Variants in EXOC1 observed in about 807,000 individuals in gnomAD.
EXOC1 encodes the protein exocyst complex component 1, also known as SEC3-like 1.
In EXOC1, 67 loss-of-function variants were observed where a neutral mutation model predicts 107.7. That is an observed-to-expected ratio of 0.62 (90% CI 0.51 to 0.76). EXOC1 has a LOEUF of 0.76. Ranked by LOEUF, EXOC1 falls within the 30% of genes least tolerant of loss-of-function variation. The pLI, the probability that EXOC1 is intolerant of heterozygous loss-of-function variation, is 0.00. For missense variants in EXOC1, 833 were observed against 1,055.7 expected, an observed-to-expected ratio of 0.79 and a Z score of 2.92; for synonymous variants, 348 against 353.5, an observed-to-expected ratio of 0.98 and a Z score of 0.17.
intron 3 of EXOC1, among the ~76,000 whole-genome samples, chr4:55,860,890 CAT>C (rs1411482313): frequency 1.3e-5 from 2 of 148,260 alleles, no homozygotes; most frequent in Non-Finnish European, 3.0e-5. Flanking sequence ...CATGAGTAAA[CAT>C]AGAATCACCA....
intron 12 of EXOC1, 86 bp from the exon 13 acceptor site, chr4:55,891,229 G>A (rs1327629522): frequency 6.2e-6 from 5 of 807,456 alleles, no homozygotes; most frequent in Admixed American, 5.8e-5. Context: ...TCCATGGTCT[G>A]TGCAGAAAAG....
chr4:55,893,312 G>T (rs557629273), intron 14 of EXOC1, among the ~76,000 whole-genome samples: 2 of 152,092 alleles, frequency 1.3e-5, no homozygotes, highest in African/African-American at 2.4e-5. Flanking sequence ...TAGAGACAGG[G>T]TTTTACCATG....
intron 4 of EXOC1, among the ~76,000 whole-genome samples, chr4:55,866,033 A>G (rs1721927609): frequency 6.6e-6 from 1 of 152,190 alleles, no homozygotes; most frequent in African/African-American, 2.4e-5. Flanking sequence ...TAATGTCTAC[A>G]AACTTGTTTT....
At chr4:55,863,277 T>C (rs893804266) in intron 3 of EXOC1, among the ~76,000 whole-genome samples, 1 of 152,154 alleles carries the variant, frequency 6.6e-6, no homozygotes, top group Admixed American at 6.5e-5. Context: ...ATTGCTATAA[T>C]GTGGCTTAAG....
intron 18 of EXOC1, among the ~76,000 whole-genome samples, chr4:55,902,822 A>G (rs1297882179): frequency 6.6e-6 from 1 of 151,886 alleles, no homozygotes; most frequent in Non-Finnish European, 1.5e-5. Flanking sequence ...GGTTGGAATT[A>G]GAGATGGGTT....
chr4:55,864,473 C>A, intron 4 of EXOC1, 87 bp downstream of exon 4: 1 of 1,125,320 alleles, frequency 8.9e-7, no homozygotes, highest in Non-Finnish European at 1.3e-6. Context: ...AATTAGAATA[C>A]TGAATTATCT....
At chr4:55,884,084 A>G (rs371752361) in intron 10 of EXOC1, among the ~76,000 whole-genome samples, 156 bp downstream of exon 10, 3 of 152,254 alleles carry the variant, frequency 2.0e-5, no homozygotes, top group Non-Finnish European at 4.4e-5. Context: ...GCCGTTTCAT[A>G]GAACAAATAT....
At chr4:55,886,961 C>CT (rs1723946787) in intron 10 of EXOC1, among the ~76,000 whole-genome samples, 1 of 152,076 alleles carries the variant, frequency 6.6e-6, no homozygotes, top group Non-Finnish European at 1.5e-5. Context: ...AGTAGCTTTT[C>CT]TTTGTGATAA....
intron 11 of EXOC1, among the ~76,000 whole-genome samples, chr4:55,889,871 C>A (rs1409259907): frequency 6.6e-6 from 1 of 152,144 alleles, no homozygotes; most frequent in African/African-American, 2.4e-5. Flanking sequence ...CATCCATATT[C>A]CTGTCCTTTT....
At chr4:55,869,526 T>C (rs1325272362) in intron 5 of EXOC1, among the ~76,000 whole-genome samples, 1 of 152,218 alleles carries the variant, frequency 6.6e-6, no homozygotes, top group Admixed American at 6.5e-5. Flanking sequence ...TTTAGTGTTG[T>C]ATACATGAAA....
At position 55,864,280 on chromosome 4, in the gene EXOC1, C is replaced by T; in HGVS notation, c.309C>T (p.Ser103=). The T allele has an allele frequency of 6.2e-7, 1 of 1,606,148 alleles. No homozygotes were observed. The highest frequency in any genetic ancestry group is 8.5e-7 in the Non-Finnish European group (1 of 1,175,966). Residue 103 remains serine (S), a synonymous_variant, in exon 4 of 19, where the codon AGC becomes AGT. Transcript: ENST00000381295. The part of the protein sequence containing the change: ...HFEKIYKWVA[S]STAEKNAFIS... ...AAAAAATATATAAATGGGTTGCCAG[C>T]AGCACTGCTGAAAAGAATGCATTTA...
intron 5 of EXOC1, 46 bp from the exon 6 acceptor site, chr4:55,870,630 TTG>T: frequency 7.2e-7 from 1 of 1,395,298 alleles, no homozygotes; most frequent in Non-Finnish European, 1.0e-6. Context: ...AGTATGTTTT[TTG>T]TTTGTTTGTT....
At chr4:55,901,944 A>G (rs1577796622) in intron 17 of EXOC1, among the ~76,000 whole-genome samples, 1 of 152,188 alleles carries the variant, frequency 6.6e-6, no homozygotes, top group Non-Finnish European at 1.5e-5. Flanking sequence ...TAGATTTTCT[A>G]AAGTCTCACT....
intron 16 of EXOC1, among the ~76,000 whole-genome samples, chr4:55,898,363 A>G (rs1343963951): frequency 1.3e-5 from 2 of 152,210 alleles, no homozygotes; most frequent in African/African-American, 4.8e-5. Flanking sequence ...CTTTAATTGG[A>G]TAAAAAATCT....
At position 55,883,828 on chromosome 4, in the gene EXOC1, C is replaced by A. The variant is rs749531381; in HGVS notation, c.1230C>A (p.Tyr410Ter). 6.4e-7 allele frequency: 1 copy of A among 1,565,702 alleles called. No individual in the cohort carries two copies. The highest frequency in any genetic ancestry group is 8.7e-7 in the Non-Finnish European group (1 of 1,153,882). ...YGKYEGLTKN[Y>*]MDYLSRLYER... Reference sequence around the variant, plus strand: ...CATGTTACTTTTATTTTAAGAATTACATGGATTATTTATCCCGACTATATG... The same window carrying A: ...CATGTTACTTTTATTTTAAGAATTAAATGGATTATTTATCCCGACTATATG... The change falls in exon 10 of 19, where the codon TAC (tyrosine) becomes TAA (stop). Residue 410 changes from tyrosine to a stop codon, truncating the protein, a stop_gained. Transcript: ENST00000381295. LOFTEE classifies it high-confidence loss of function.
Position 55,871,944 on chromosome 4 carries a change from G to T in EXOC1, c.1060G>T (p.Val354Phe). 6.2e-7 allele frequency: 1 copy of T among 1,613,164 alleles called. No individual in the cohort carries two copies. Residue 354 changes from valine to phenylalanine, a missense_variant, in exon 8 of 19, where the codon GTT becomes TTT. Transcript: ENST00000381295. ...ARRLASHLNN[V>F]FVQQGHDQSS... ...GAGACTGGCCAGTCACCTCAACAAT[G>T]TTTTTGTTCAACAGGTAATTTTATT...
intron 2 of EXOC1, 95 bp from the exon 3 acceptor site, chr4:55,860,316 C>G (rs1577689500): frequency 6.8e-7 from 1 of 1,478,336 alleles, no homozygotes. Context: ...TTAGTATCAG[C>G]TACTAGGCAC....
chr4:55,894,768 A>G (rs1172691828), intron 15 of EXOC1, among the ~76,000 whole-genome samples: 2 of 151,822 alleles, frequency 1.3e-5, no homozygotes, highest in Non-Finnish European at 2.9e-5. Flanking sequence ...GATTGCAGGC[A>G]TGCGCCACCA....
At chr4:55,862,066 C>CA (rs987008026) in intron 3 of EXOC1, among the ~76,000 whole-genome samples, 4 of 149,982 alleles carry the variant, frequency 2.7e-5, no homozygotes, top group Non-Finnish European at 3.0e-5. Context: ...CAAAAAAAAA[C>CA]AAAAAAAAAC....
Sources: gnomAD v4.1 joint callset for allele counts (sites outside exome capture counted in the v4.1 genomes callset) on GRCh38, gnomAD v4.1.1 for gene constraint, MANE v1.5 for transcripts, NCBI Gene and HGNC (gene_info 2026-07-23, HGNC 2026-07-21) for gene names.